Variants in RBMS1 observed in about 807,000 individuals in gnomAD.
RBMS1 encodes RNA-binding motif, single-stranded-interacting protein 1.
RBMS1 carries 17 observed loss-of-function variants against 62.3 expected under a neutral mutation model. The observed-to-expected ratio is 0.27, with a 90% CI of 0.19 to 0.41. The LOEUF (loss-of-function observed/expected upper bound fraction) is 0.41, where lower values mean the gene tolerates loss of function less well. Ranked by LOEUF, RBMS1 falls within the 10% of genes least tolerant of loss-of-function variation. The pLI, the probability that RBMS1 is intolerant of heterozygous loss-of-function variation, is 1.00. For missense variants in RBMS1, 334 were observed against 504.5 expected (o/e 0.66, Z 3.24); for synonymous variants, 172 against 170.0 (o/e 1.01, Z -0.09).
chr2:160,368,145 G>A lies in RBMS1; in HGVS notation c.76-754C>T, dbSNP rs116708493. Among the ~76,000 whole-genome samples the A allele has an allele frequency of 7.9e-3, 1,210 of 152,230 alleles. 12 individuals carry two copies. Among genetic ancestry groups the A allele is most frequent in the African/African-American group, 0.026 (1,096 of 41,526 alleles). On this transcript the variant is annotated intron_variant, in intron 1 of 13. Transcript: ENST00000348849. Reference sequence around the variant, plus strand: ...CATACCAGATAATTCTCTGTGCACCGACTGAAAGAAACCACAGTTCTCTGA... The same window carrying A: ...CATACCAGATAATTCTCTGTGCACCAACTGAAAGAAACCACAGTTCTCTGA...
At position 160,325,257 on chromosome 2, in the gene RBMS1, A is replaced by T. The variant is rs368703578; in HGVS notation, c.252-7030T>A. On this transcript the variant is annotated intron_variant, in intron 2 of 13. Transcript: ENST00000348849. ...GTAATTGCTAAGGTCCTTAAGACAG[A>T]TGCTGATGACATTCAGGAAGAAGTT... Among the ~76,000 whole-genome samples, 26 of 152,268 alleles carry T rather than the reference A, an allele frequency of 1.7e-4. No individual in the cohort carries two copies. The South Asian group carries it at 5.0e-3, about 29-fold the overall frequency.
At chr2:160,445,572 C>G (rs558516734) in intron 1 of RBMS1, among the ~76,000 whole-genome samples, 1 of 152,336 alleles carries the variant, frequency 6.6e-6, no homozygotes, top group South Asian at 2.1e-4. Flanking sequence ...ATAATCTGAT[C>G]TGCTTTTAAC....
chr2:160,338,749 A>G (rs1034749141), intron 2 of RBMS1, among the ~76,000 whole-genome samples: 5 of 152,242 alleles, frequency 3.3e-5, no homozygotes, highest in Non-Finnish European at 5.9e-5. Context: ...TAAAAGACTT[A>G]AAAGTTCAAA....
At chr2:160,329,297 T>C (rs139201355) in intron 2 of RBMS1, among the ~76,000 whole-genome samples, 77 of 152,322 alleles carry the variant, frequency 5.1e-4, no homozygotes, top group Middle Eastern at 3.4e-3. Flanking sequence ...TTGGACTGTA[T>C]AAGCAAGGGA....
intron 1 of RBMS1, among the ~76,000 whole-genome samples, chr2:160,438,992 A>C (rs1368953270): frequency 7.2e-6 from 1 of 139,550 alleles, no homozygotes; most frequent in Non-Finnish European, 1.5e-5. Flanking sequence ...CACCTCCCGG[A>C]CGGGGCGGCT....
chr2:160,300,208 T>C (rs935102210), intron 6 of RBMS1, among the ~76,000 whole-genome samples: 5 of 152,156 alleles, frequency 3.3e-5, no homozygotes, highest in African/African-American at 1.2e-4. Context: ...CCATGAAGTG[T>C]GGTGTTCTTG....
intron 5 of RBMS1, 57 bp downstream of exon 5, chr2:160,303,273 A>C: frequency 6.8e-7 from 1 of 1,475,566 alleles, no homozygotes; most frequent in Non-Finnish European, 9.1e-7. Context: ...TAATTTTCCA[A>C]GATAACTTGG....
chr2:160,381,539 G>T (rs1425243606), intron 1 of RBMS1, among the ~76,000 whole-genome samples: 1 of 152,170 alleles, frequency 6.6e-6, no homozygotes, highest in African/African-American at 2.4e-5. Flanking sequence ...AACAGAAAAG[G>T]GAGTTCCCCA....
intron 1 of RBMS1, among the ~76,000 whole-genome samples, chr2:160,464,875 G>C (rs1014299172): frequency 3.3e-5 from 5 of 152,220 alleles, no homozygotes; most frequent in Admixed American, 2.6e-4. Flanking sequence ...TATTCTGTAA[G>C]TAGGTTTCTG....
intron 2 of RBMS1, among the ~76,000 whole-genome samples, chr2:160,358,366 C>T (rs1479683686): frequency 6.6e-6 from 1 of 152,156 alleles, no homozygotes; most frequent in East Asian, 1.9e-4. Flanking sequence ...ATTCTGTAAA[C>T]TGCACATCGT....
In RBMS1 at chr2:160,273,885, T is replaced by A. The variant is rs1419875647; in HGVS notation, c.*887A>T. ...TTGGCGTACAGCCTTACAAACAATTTACCCTAATAAAAGTTCCCCAGTCAG... is the reference window on the plus strand; with the variant it reads ...TTGGCGTACAGCCTTACAAACAATTAACCCTAATAAAAGTTCCCCAGTCAG... On this transcript the variant is annotated 3_prime_UTR_variant, in exon 14 of 14. Coordinates refer to ENST00000348849, the MANE Select transcript of RBMS1 (RefSeq NM_016836.4). 1.3e-5 allele frequency: 2 copies of A among 152,448 alleles called. No homozygotes were observed. The highest frequency in any genetic ancestry group is 2.4e-5 in the African/African-American group (1 of 41,436). The allele number at this position is 152,448 out of a possible 1,614,324, so 9.4% of individuals were successfully genotyped here. A position where few individuals can be genotyped will look rare whatever the true frequency, so the allele number is the denominator to read the frequency against.
chr2:160,318,229 T>TAAAAAAAAAAAAAAAAAAAAAAAAACA lies in RBMS1; in HGVS notation c.252-3_252-2insTGTTTTTTTTTTTTTTTTTTTTTTTTT. The TAAAAAAAAAAAAAAAAAAAAAAAAACA allele has an allele frequency of 8.6e-7, 1 of 1,163,254 alleles. No individual in the cohort carries two copies. Among genetic ancestry groups the TAAAAAAAAAAAAAAAAAAAAAAAAACA allele is most frequent in the Non-Finnish European group, 1.1e-6 (1 of 929,826 alleles). The allele number at this position is 1,163,254 out of a possible 1,614,324, so 72.1% of individuals were successfully genotyped here. A position where few individuals can be genotyped will look rare whatever the true frequency, so the allele number is the denominator to read the frequency against. On this transcript the variant is annotated splice_polypyrimidine_tract_variant and splice_region_variant and intron_variant, in intron 2 of 13. Transcript: ENST00000348849. Reference sequence around the variant, plus strand: ...TTTGTGGAGACTATTTTCCCATATCTAAAAAAAAAAAAAAAAAAAAAAAGG... The same window carrying TAAAAAAAAAAAAAAAAAAAAAAAAACA: ...TTTGTGGAGACTATTTTCCCATATCTAAAAAAAAAAAAAAAAAAAAAAAAACAAAAAAAAAAAAAAAAAAAAAAAAGG...
At chr2:160,352,960 A>G (rs556882628) in intron 2 of RBMS1, among the ~76,000 whole-genome samples, 1 of 152,240 alleles carries the variant, frequency 6.6e-6, no homozygotes, top group African/African-American at 2.4e-5. Context: ...AATTATTTCC[A>G]GTTTCTATTA....
intron 1 of RBMS1, chr2:160,407,371 G>A (rs1358636031): frequency 1.3e-5 from 13 of 985,556 alleles, no homozygotes; most frequent in Non-Finnish European, 1.6e-5. Context: ...CGCCCAGCCG[G>A]TCCCTCCGAG....
At chr2:160,395,848 C>A (rs564820909) in intron 1 of RBMS1, among the ~76,000 whole-genome samples, 10 of 152,236 alleles carry the variant, frequency 6.6e-5, no homozygotes, top group African/African-American at 2.4e-4. Flanking sequence ...GGCTAGTGAA[C>A]AGAATGATCA....
chr2:160,476,551 CT>C (rs755429434), intron 1 of RBMS1, among the ~76,000 whole-genome samples: 13,617 of 110,890 alleles, frequency 0.12, 271 homozygotes, highest in East Asian at 0.21. Flanking sequence ...AAACACACTT[CT>C]TTTTTTTTTT....
chr2:160,475,645 T>C (rs1204013424), intron 1 of RBMS1, among the ~76,000 whole-genome samples: 1 of 152,258 alleles, frequency 6.6e-6, no homozygotes, highest in Non-Finnish European at 1.5e-5. Flanking sequence ...ATGTATGTCA[T>C]GCATTGCCTA....
At chr2:160,368,245 T>C (rs2106025941) in intron 1 of RBMS1, among the ~76,000 whole-genome samples, 1 of 152,280 alleles carries the variant, frequency 6.6e-6, no homozygotes, top group East Asian at 1.9e-4. Context: ...ACCCCAAGTG[T>C]CCTCACAGCA....
chr2:160,385,256 G>T (rs1224493921), intron 1 of RBMS1, among the ~76,000 whole-genome samples: 1 of 152,052 alleles, frequency 6.6e-6, no homozygotes, highest in Non-Finnish European at 1.5e-5. Context: ...CTCCGCCGAG[G>T]GCACACATGA....
Sources: allele counts gnomAD v4.1 joint callset (sites outside exome capture counted in the v4.1 genomes callset), GRCh38; gene constraint gnomAD v4.1.1; transcripts MANE v1.5; gene names NCBI Gene and HGNC (gene_info 2026-07-23, HGNC 2026-07-21).